The following BCL2L12 variants were observed in gnomAD, a reference collection of about 807,000 sequenced individuals.
BCL2L12 encodes the protein bcl-2-like protein 12.
Under a neutral mutation model 25.7 loss-of-function variants are expected in BCL2L12, and 27 were observed. That is an observed-to-expected ratio of 1.05 (90% CI 0.78 to 1.45). BCL2L12 has a LOEUF of 1.45. Ranked by LOEUF, BCL2L12 falls within the 40% of genes most tolerant of loss-of-function variation. BCL2L12 has a pLI of 0.00. For synonymous variants in BCL2L12, 132 were observed against 145.6 expected (o/e 0.91, Z 0.67); for missense variants, 302 against 329.8 (o/e 0.92, Z 0.65).
At chr19:49,673,143 G>A (rs977524732) in intron 6 of BCL2L12, among the ~76,000 whole-genome samples, 8 of 152,052 alleles carry the variant, frequency 5.3e-5, no homozygotes, top group Non-Finnish European at 8.8e-5. Context: ...TGGAATTACA[G>A]GCTGAGCTAC....
upstream of BCL2L12, chr19:49,665,831 G>A (rs267605590): frequency 1.1e-5 from 17 of 1,590,112 alleles, no homozygotes; most frequent in South Asian, 6.6e-5. Context: ...CCGATGGGAC[G>A]GCCCGCTGGG....
At chr19:49,668,752 A>G in intron 3 of BCL2L12, 99 bp from the exon 4 acceptor site, 2 of 1,141,122 alleles carry the variant, frequency 1.8e-6, no homozygotes, top group Admixed American at 4.5e-5. Context: ...TAATAAATAA[A>G]ATGGGAATCA....
At position 49,669,086 on chromosome 19, in the gene BCL2L12, G is replaced by T; in HGVS notation, c.400G>T (p.Glu134Ter). Reference protein sequence around the residue: ...AILRRLVALLEEEAEVINQKL... With the variant: ...AILRRLVALL Reference sequence around the variant, plus strand: ...ACTGCGGAGGCTGGTGGCCCTGCTGGAGGAGGAGGCAGAAGTCATTAACCA... The same window carrying T: ...ACTGCGGAGGCTGGTGGCCCTGCTGTAGGAGGAGGCAGAAGTCATTAACCA... Residue 134 changes from glutamate to a stop codon, truncating the protein, a stop_gained, in exon 5 of 7, where the codon GAG becomes TAG. Transcript: ENST00000246784. LOFTEE classifies it high-confidence loss of function. 6.2e-7 allele frequency: 1 copy of T among 1,614,138 alleles called. No homozygotes were observed. The highest frequency in any genetic ancestry group is 1.1e-5 in the South Asian group (1 of 91,076).
chr19:49,669,746 T>G (rs1465518314), intron 5 of BCL2L12, among the ~76,000 whole-genome samples: 1 of 151,962 alleles, frequency 6.6e-6, no homozygotes, highest in Non-Finnish European at 1.5e-5. Context: ...AAAATCTTAC[T>G]GAGCATAGAA....
chr19:49,673,344 T>C (rs1416171064), intron 6 of BCL2L12, among the ~76,000 whole-genome samples: 1 of 152,032 alleles, frequency 6.6e-6, no homozygotes, highest in Admixed American at 6.6e-5. Flanking sequence ...ATGCAGAGTG[T>C]TGGAATCTGG....
intron 5 of BCL2L12, among the ~76,000 whole-genome samples, 182 bp from the exon 6 acceptor site, chr19:49,670,034 C>G (rs881785): frequency 0.24 from 36,630 of 152,062 alleles, 7,446 homozygotes; most frequent in African/African-American, 0.56. Flanking sequence ...TTCCAGGCCA[C>G]TATCCCGGGG....
chr19:49,666,207 A>G, intron 1 of BCL2L12, 140 bp downstream of exon 1: 1 of 1,210,200 alleles, frequency 8.3e-7, no homozygotes, highest in Non-Finnish European at 1.1e-6. Flanking sequence ...GGAGATTTGG[A>G]ACTACACCTC....
chr19:49,669,122 G>T lies in BCL2L12; in HGVS notation c.429+7G>T. 6.2e-7 allele frequency: 1 copy of T among 1,613,512 alleles called. No individual in the cohort carries two copies. The highest frequency in any genetic ancestry group is 8.5e-7 in the Non-Finnish European group (1 of 1,179,776). On this transcript the variant is annotated splice_region_variant and intron_variant, in intron 5 of 6. Transcript: ENST00000246784. ...AGAAGTCATTAACCAGAAGGTGATG[G>T]GCATCTGTCCCACTCCTTGGCAAGG...
chr19:49,671,322 GC>G (rs1490476535), intron 6 of BCL2L12, among the ~76,000 whole-genome samples: 1 of 151,402 alleles, frequency 6.6e-6, no homozygotes, highest in East Asian at 1.9e-4. Flanking sequence ...AGCCCGGCAT[GC>G]CTGTAATCCC....
chr19:49,665,878 C>A (rs771347725), upstream of BCL2L12: 2 of 1,611,782 alleles, frequency 1.2e-6, no homozygotes. Flanking sequence ...GGGTTTCCGG[C>A]CAGAGGCATG....
chr19:49,668,931 A>G lies in BCL2L12; in HGVS notation c.331A>G (p.Ser111Gly). The G allele has an allele frequency of 6.2e-7, 1 of 1,614,008 alleles. No homozygotes were observed. The highest frequency in any genetic ancestry group is 1.7e-5 in the Admixed American group (1 of 60,006). The change falls in exon 4 of 7, where the codon AGC becomes GGC. Residue 111 changes from serine to glycine, a missense_variant. Coordinates refer to ENST00000246784, the MANE Select transcript of BCL2L12 (RefSeq NM_138639.2). The stretch of plus-strand genomic sequence containing the variant: ...CCAAGAGCAGCTGAAATCTCCGCCC[A>G]GCCCAGGTGAGGCACAGAGGAGCCC... ...LVQEQLKSPP[S>G]PELQGPPSTE...
At chr19:49,666,653 T>G in intron 1 of BCL2L12, 32 bp from the exon 2 acceptor site, 4 of 1,509,254 alleles carry the variant, frequency 2.7e-6, no homozygotes, top group Non-Finnish European at 3.6e-6. Context: ...GCTAAACCCT[T>G]GGAGTCCAGT....
chr19:49,673,675 G>T, intron 6 of BCL2L12, 23 bp from the exon 7 acceptor site: 1 of 1,603,704 alleles, frequency 6.2e-7, no homozygotes, highest in Non-Finnish European at 8.5e-7. Flanking sequence ...TGCTCACAGG[G>T]CTCTGCCACT....
chr19:49,673,038 G>A (rs937405080), intron 6 of BCL2L12, among the ~76,000 whole-genome samples: 1 of 152,110 alleles, frequency 6.6e-6, no homozygotes, highest in African/African-American at 2.4e-5. Context: ...GGCTAATTTT[G>A]TAGTTTTAGC....
rs1381054217 is a variant in BCL2L12 at position 49,670,413 on chromosome 19, G to A, written c.627G>A (p.Leu209=). ...AMELSRRVAG[L]GGTLAGLSVE... is the part of the protein sequence containing the mutation. ...AGCTGAGCCGGCGCGTGGCCGGGCT[G>A]GGGGGCACCCTGGCCGGACTCAGCG... Residue 209 remains leucine (L), a synonymous_variant, in exon 6 of 7, where the codon CTG becomes CTA. Coordinates refer to ENST00000246784, the MANE Select transcript of BCL2L12 (RefSeq NM_138639.2). The A allele has an allele frequency of 6.5e-7, 1 of 1,543,492 alleles. No individual in the cohort carries two copies. Among genetic ancestry groups the A allele is most frequent in the South Asian group, 1.2e-5 (1 of 83,726 alleles).
chr19:49,666,153 C>G lies in BCL2L12; in HGVS notation c.-9+86C>G. On this transcript the variant is annotated intron_variant, in intron 1 of 6. Coordinates refer to ENST00000246784, the MANE Select transcript of BCL2L12 (RefSeq NM_138639.2). ...TGGTGGGCACCCCAGTCCCGCTTCT[C>G]TGATATCCAAGGGTCCAGGGTCCTC... is the stretch of plus-strand genomic sequence containing the variant. The G allele has an allele frequency of 2.7e-6, 4 of 1,460,612 alleles. No individual in the cohort carries two copies. In the Admixed American group the frequency reaches 9.1e-5, roughly 33 times the overall value. The allele number at this position is 1,460,612 out of a possible 1,614,324, so 90.5% of individuals were successfully genotyped here. A position where few individuals can be genotyped will look rare whatever the true frequency, so the allele number is the denominator to read the frequency against.
rs753211308 is a variant in BCL2L12 at position 49,670,230 on chromosome 19, CGCCCT to C, written c.447_451del (p.Leu150GlnfsTer20). The C allele has an allele frequency of 1.2e-6, 2 of 1,606,882 alleles. No individual in the cohort carries two copies. Among genetic ancestry groups the C allele is most frequent in the South Asian group, 2.2e-5 (2 of 90,952 alleles). On this transcript the variant is annotated frameshift_variant, in exon 6 of 7. Transcript: ENST00000246784. LOFTEE classifies it high-confidence loss of function. Reference sequence around the variant, plus strand: ...CCACCCTACAGCTGGCCTCGGACCCCGCCCTGCGCAGCAAGCTGGTCCGCCTGTCC... The same window carrying C: ...CCACCCTACAGCTGGCCTCGGACCCCGCGCAGCAAGCTGGTCCGCCTGTCC...
intron 3 of BCL2L12, among the ~76,000 whole-genome samples, chr19:49,667,402 G>T (rs952779866): frequency 1.3e-5 from 2 of 152,138 alleles, no homozygotes; most frequent in Admixed American, 1.3e-4. Context: ...CTGCCCCTAG[G>T]ACTTTTGTAG....
At chr19:49,667,977 G>C (rs1466838712) in intron 3 of BCL2L12, among the ~76,000 whole-genome samples, 1 of 151,810 alleles carries the variant, frequency 6.6e-6, no homozygotes, top group Non-Finnish European at 1.5e-5. Context: ...ACGGGGTTTC[G>C]CCACGTTGGC....
Sources: allele counts gnomAD v4.1 joint callset (sites outside exome capture counted in the v4.1 genomes callset), GRCh38; gene constraint gnomAD v4.1.1; transcripts MANE v1.5; gene names NCBI Gene and HGNC (gene_info 2026-07-23, HGNC 2026-07-21).